Variants in CCT6B observed in about 807,000 individuals in gnomAD.
CCT6B encodes the protein probable T-complex protein 1 subunit zeta-2.
Under a neutral mutation model 61.5 loss-of-function variants are expected in CCT6B, and 49 were observed. That is an observed-to-expected ratio of 0.80 (90% CI 0.63 to 1.01). The LOEUF (loss-of-function observed/expected upper bound fraction) is 1.01, where lower values mean the gene tolerates loss of function less well. Ranked by LOEUF, CCT6B falls within the 50% of genes least tolerant of loss-of-function variation. The pLI is 0.00. For missense variants in CCT6B, 666 were observed against 634.7 expected, an observed-to-expected ratio of 1.05 and a Z score of -0.53; for synonymous variants, 228 against 214.5, an observed-to-expected ratio of 1.06 and a Z score of -0.55.
chr17:34,929,636 C>A (rs1452311766), intron 12 of CCT6B, among the ~76,000 whole-genome samples: 2 of 151,940 alleles, frequency 1.3e-5, no homozygotes, highest in African/African-American at 4.8e-5. Flanking sequence ...GACTCAGCCT[C>A]CCAAGTAGCT....
In CCT6B at chr17:34,940,621, CCTATAATCAAATTAACATAAAA is replaced by C; in HGVS notation, c.886-22_886-1del. On this transcript the variant is annotated splice_acceptor_variant and splice_polypyrimidine_tract_variant and intron_variant, in intron 7 of 13. Coordinates refer to ENST00000314144, the MANE Select transcript of CCT6B (RefSeq NM_006584.4). LOFTEE classifies it high-confidence loss of function. ...GAATCTAAGGAAAATGGATCAATTC[CCTATAATCAAATTAACATAAAA>C]ATTATAAACATGTTTTAAACCAGTA... 6.9e-7 allele frequency: 1 copy of C among 1,459,036 alleles called. No individual in the cohort carries two copies. The highest frequency in any genetic ancestry group is 9.4e-7 in the Non-Finnish European group (1 of 1,059,586). The allele number at this position is 1,459,036 out of a possible 1,614,324, so 90.4% of individuals were successfully genotyped here.
At position 34,936,499 on chromosome 17, in the gene CCT6B, G is replaced by A. The variant is rs139828274; in HGVS notation, c.1213+2684C>T. On this transcript the variant is annotated intron_variant, in intron 10 of 13. Transcript: ENST00000314144. ...ATATTGGAGAGCAAAAAGTATAACTGTATAGCAGACAATGTAATCACTTAT... is the reference window on the plus strand; with the variant it reads ...ATATTGGAGAGCAAAAAGTATAACTATATAGCAGACAATGTAATCACTTAT... Among the ~76,000 whole-genome samples the A allele has an allele frequency of 2.5e-3, 386 of 152,250 alleles. 1 individual carries two copies. Among genetic ancestry groups the A allele is most frequent in the Admixed American group, 4.1e-3 (63 of 15,298 alleles).
At chr17:34,953,367 G>A (rs1204105983) in intron 4 of CCT6B, among the ~76,000 whole-genome samples, 3 of 146,854 alleles carry the variant, frequency 2.0e-5, no homozygotes, top group Admixed American at 6.9e-5. Flanking sequence ...GTTTCACTCT[G>A]TCACCCAGGC....
intron 11 of CCT6B, 72 bp downstream of exon 11, chr17:34,932,295 T>C (rs1041021911): frequency 1.4e-6 from 2 of 1,382,002 alleles, no homozygotes; most frequent in South Asian, 1.4e-5. Flanking sequence ...AACTATCAGA[T>C]AATATGGGCA....
chr17:34,949,222 G>A (rs2090262803), intron 5 of CCT6B, among the ~76,000 whole-genome samples: 1 of 152,126 alleles, frequency 6.6e-6, no homozygotes, highest in Admixed American at 6.5e-5. Context: ...TTGGGAGGCA[G>A]AGGTGGGCGG....
intron 8 of CCT6B, 78 bp from the exon 9 acceptor site, chr17:34,939,791 G>A (rs2142149481): frequency 9.2e-6 from 8 of 873,222 alleles, no homozygotes; most frequent in Non-Finnish European, 1.6e-5. Flanking sequence ...GATATCTAAT[G>A]CAGAAGACTG....
Position 34,940,526 on chromosome 17 carries a change from T to A in CCT6B, c.968+13A>T, listed in dbSNP as rs1338387271. On this transcript the variant is annotated intron_variant, in intron 8 of 13. Transcript: ENST00000314144. Reference sequence around the variant, plus strand: ...GTTAAAAACTTAGGATATATAATTATCTGCAAGCTTACCTTTCCATATTTC... The same window carrying A: ...GTTAAAAACTTAGGATATATAATTAACTGCAAGCTTACCTTTCCATATTTC... 2 of 1,434,876 alleles carry A rather than the reference T, an allele frequency of 1.4e-6. No homozygotes were observed. Among genetic ancestry groups the A allele is most frequent in the Non-Finnish European group, 1.9e-6 (2 of 1,036,632 alleles). 88.9% of individuals were successfully genotyped at this position (1,434,876 alleles called of 1,614,324 possible).
At chr17:34,942,338 A>G (rs1567667227) in intron 7 of CCT6B, 146 bp downstream of exon 7, 1 of 602,238 alleles carries the variant, frequency 1.7e-6, no homozygotes, top group East Asian at 3.2e-5. Context: ...CACAATGTAA[A>G]AGGTGTAATT....
intron 3 of CCT6B, among the ~76,000 whole-genome samples, chr17:34,956,198 T>G (rs1442116801): frequency 6.6e-6 from 1 of 152,212 alleles, no homozygotes; most frequent in Admixed American, 6.5e-5. Flanking sequence ...TCTCCACTAC[T>G]GTTCACATCA....
chr17:34,956,800 CCTCTCTT>C (rs1229413056), intron 3 of CCT6B, among the ~76,000 whole-genome samples: 24 of 152,008 alleles, frequency 1.6e-4, no homozygotes, highest in African/African-American at 2.7e-4. Flanking sequence ...TCTCCTCTCT[CCTCTCTT>C]CTCTCTCTCT....
At chr17:34,956,878 T>C (rs2090352794) in intron 3 of CCT6B, among the ~76,000 whole-genome samples, 1 of 152,114 alleles carries the variant, frequency 6.6e-6, no homozygotes, top group African/African-American at 2.4e-5. Flanking sequence ...GGTGCAATCA[T>C]GGCTTACTGC....
chr17:34,960,862 G>A lies in CCT6B; in HGVS notation c.137+395C>T, dbSNP rs545168550. 4.1e-4 allele frequency among the ~76,000 whole-genome samples: 63 copies of A among 152,314 alleles called. No homozygotes were observed. The East Asian group carries it at 8.7e-3, about 21-fold the overall frequency. The stretch of plus-strand genomic sequence containing the variant: ...GACCCCATGCCTTCCTGGCTCCAAA[G>A]CCTGTGTCCTCTCCACTACAATACA... On this transcript the variant is annotated intron_variant, in intron 1 of 13. Coordinates refer to ENST00000314144, the MANE Select transcript of CCT6B (RefSeq NM_006584.4).
chr17:34,958,163 A>G (rs1170054192), intron 3 of CCT6B, among the ~76,000 whole-genome samples: 3 of 152,088 alleles, frequency 2.0e-5, no homozygotes, highest in Admixed American at 2.0e-4. Context: ...AACTGTCTAG[A>G]CCAGGCACGG....
rs1161383365 is a variant in CCT6B, at chr17:34,954,432, T to C, written c.504A>G (p.Leu168=). 5 of 1,604,142 alleles carry C rather than the reference T, an allele frequency of 3.1e-6. No homozygotes were observed. The highest frequency in any genetic ancestry group is 1.7e-5 in the Admixed American group (1 of 57,642). Residue 168 remains leucine (L), a synonymous_variant, in exon 4 of 14, where the codon TTA becomes TTG. Transcript: ENST00000314144. Reference sequence around the variant, plus strand: ...CAAAAGTTTAATAACATACCTCTGTTAAGACATCAGCCAGTTCAGCATGAA... The same window carrying C: ...CAAAAGTTTAATAACATACCTCTGTCAAGACATCAGCCAGTTCAGCATGAA... ...TKVHAELADV[L]TEVVVDSVLA...
At chr17:34,929,518 T>A (rs1414322742) in intron 12 of CCT6B, among the ~76,000 whole-genome samples, 1 of 134,946 alleles carries the variant, frequency 7.4e-6, no homozygotes, top group Non-Finnish European at 1.7e-5. Context: ...TGGTGTTTTT[T>A]GTTTTTGTTT....
Position 34,952,033 on chromosome 17 carries a change from C to T in CCT6B, c.531G>A (p.Leu177=), listed in dbSNP as rs2090297425. 2.5e-6 allele frequency: 4 copies of T among 1,605,332 alleles called. No homozygotes were observed. The African/African-American group carries it at 4.0e-5, about 16-fold the overall frequency. Residue 177 remains leucine (L), a synonymous_variant, in exon 5 of 14, where the codon TTG becomes TTA. Transcript: ENST00000314144. ...VLTEVVVDSV[L]AVRRPGYPID... ...TAGGGTAACCTGGTCTTCTAACAGC[C>T]AAAACAGAATCCACCACAACCTGAA...
At position 34,961,251 on chromosome 17, in the gene CCT6B, T is replaced by A. The variant is rs760412535; in HGVS notation, c.137+6A>T. On this transcript the variant is annotated splice_donor_region_variant and intron_variant, in intron 1 of 13. Transcript: ENST00000314144. ...CGCGTAATGGCCGCTCCAACCGCTG[T>A]CTCACATTTTCATGGTGCCTTTAGG... 1.1e-5 allele frequency: 18 copies of A among 1,582,852 alleles called. No homozygotes were observed. The highest frequency in any genetic ancestry group is 1.5e-5 in the Non-Finnish European group (17 of 1,171,966).
In CCT6B at chr17:34,928,079, A is replaced by C; in HGVS notation, c.1562T>G (p.Ile521Ser). Residue 521 changes from isoleucine to serine, a missense_variant, in exon 14 of 14, where the codon ATT becomes AGT. Coordinates refer to ENST00000314144, the MANE Select transcript of CCT6B (RefSeq NM_006584.4). ...IATNILLVDE[I>S]MRAGMSSLK ...GAGAGAAGACATCCCAGCTCGCATA[A>C]TTTCATCAACCAGGAGAATGTTGGT... 1 of 1,612,006 alleles carries C rather than the reference A, an allele frequency of 6.2e-7. No individual in the cohort carries two copies. The highest frequency in any genetic ancestry group is 8.5e-7 in the Non-Finnish European group (1 of 1,179,114).
chr17:34,930,097 C>A (rs1467019928), intron 12 of CCT6B, among the ~76,000 whole-genome samples: 1 of 152,086 alleles, frequency 6.6e-6, no homozygotes, highest in East Asian at 1.9e-4. Context: ...CATGGTGAAA[C>A]CCTGTCTCTA....
Sources: allele counts gnomAD v4.1 joint callset (sites outside exome capture counted in the v4.1 genomes callset), GRCh38; gene constraint gnomAD v4.1.1; transcripts MANE v1.5; gene names NCBI Gene and HGNC (gene_info 2026-07-23, HGNC 2026-07-21).